Variants in CPD observed in about 807,000 individuals in gnomAD.
CPD encodes metallocarboxypeptidase D.
In CPD, 69 loss-of-function variants were observed where a neutral mutation model predicts 138.3. The observed-to-expected ratio is 0.50, with a 90% CI of 0.41 to 0.61. The LOEUF (loss-of-function observed/expected upper bound fraction) is 0.61. Among genes scored for constraint, CPD ranks in the 20% least tolerant of loss-of-function variants. The pLI is 0.00. For missense variants in CPD, 1,432 were observed against 1,733.3 expected (o/e 0.83, Z 3.09); for synonymous variants, 651 against 642.1 (o/e 1.01, Z -0.21).
chr17:30,436,606 A>T (rs547882832), intron 8 of CPD, among the ~76,000 whole-genome samples: 2 of 152,252 alleles, frequency 1.3e-5, no homozygotes, highest in African/African-American at 2.4e-5. Flanking sequence ...CTGTAATTTT[A>T]AAAAATGGAA....
chr17:30,408,737 G>A (rs1273068500), intron 2 of CPD, among the ~76,000 whole-genome samples: 1 of 152,146 alleles, frequency 6.6e-6, no homozygotes, highest in Non-Finnish European at 1.5e-5. Flanking sequence ...TAAATATACA[G>A]TCATGCCATC....
chr17:30,423,508 G>T lies in CPD; in HGVS notation c.1660G>T (p.Glu554Ter). The T allele has an allele frequency of 6.5e-7, 1 of 1,539,866 alleles. No homozygotes were observed. Among genetic ancestry groups the T allele is most frequent in the South Asian group, 1.3e-5 (1 of 79,232 alleles). ...CCATGTAATTATTTTGTTTTCAGGT[G>T]AACCAGAATTTAAGTACATTGGAAA... ...SDNPGVHEPG[E>*]PEFKYIGNMH... The change falls in exon 6 of 21, where the codon GAA becomes TAA. Residue 554 changes from glutamate to a stop codon, truncating the protein, a stop_gained and splice_region_variant. Transcript: ENST00000225719. LOFTEE classifies it high-confidence loss of function.
At chr17:30,399,965 T>C (rs1355973805) in intron 2 of CPD, among the ~76,000 whole-genome samples, 1 of 152,164 alleles carries the variant, frequency 6.6e-6, no homozygotes, top group African/African-American at 2.4e-5. Context: ...CACTCCAACC[T>C]GGGTAATACA....
In CPD at chr17:30,381,047, T is replaced by A. The variant is rs539261185; in HGVS notation, c.746+1321T>A. Among the ~76,000 whole-genome samples, 15 of 152,366 alleles carry A rather than the reference T, an allele frequency of 9.8e-5. No homozygotes were observed. In the South Asian group the frequency reaches 1.0e-3, roughly 11 times the overall value. On this transcript the variant is annotated intron_variant, in intron 1 of 20. Coordinates refer to ENST00000225719, the MANE Select transcript of CPD (RefSeq NM_001304.5). ...AGAAGATCTAGAAAATTCTTGAGTG[T>A]TAGGACAGTTCCTGAGTCTTTTCGT...
chr17:30,462,092 T>G (rs769237448), intron 19 of CPD, 30 bp downstream of exon 19: 1 of 1,555,706 alleles, frequency 6.4e-7, no homozygotes, highest in African/African-American at 1.4e-5. Flanking sequence ...TAGCATCATG[T>G]AAATTTTTAT....
In CPD at chr17:30,461,846, A is replaced by C. The variant is rs199822705; in HGVS notation, c.3631-31A>C. On this transcript the variant is annotated intron_variant, in intron 18 of 20. Coordinates refer to ENST00000225719, the MANE Select transcript of CPD (RefSeq NM_001304.5). ...CTCTACCATGTCTGGCATTATGACA[A>C]CATAAATTTATATTTTAAACATTTT... The C allele has an allele frequency of 9.6e-5, 149 of 1,546,110 alleles. 1 individual carries two copies. The African/African-American group carries it at 1.7e-3, about 18-fold the overall frequency.
intron 1 of CPD, among the ~76,000 whole-genome samples, chr17:30,382,981 C>A (rs1305996513): frequency 2.0e-5 from 3 of 152,166 alleles, no homozygotes; most frequent in Non-Finnish European, 4.4e-5. Context: ...CCTGCCCCAG[C>A]CTTCTTATAA....
rs1165735869 is a variant in CPD, at chr17:30,379,744, C to G, written c.746+18C>G. ...AGGAACAAGTGAGTGTTGCCTGCCCCCTCCCCGTCCGTGTGAGCCTCCAAG... is the reference window on the plus strand; with the variant it reads ...AGGAACAAGTGAGTGTTGCCTGCCCGCTCCCCGTCCGTGTGAGCCTCCAAG... On this transcript the variant is annotated intron_variant, in intron 1 of 20. Coordinates refer to ENST00000225719, the MANE Select transcript of CPD (RefSeq NM_001304.5). The surrounding 1 kb of genome is among the most constrained non-coding windows in gnomAD (Gnocchi z 7.0). The G allele has an allele frequency of 7.0e-7, 1 of 1,425,782 alleles. No homozygotes were observed. Among genetic ancestry groups the G allele is most frequent in the South Asian group, 1.5e-5 (1 of 66,634 alleles). The allele number at this position is 1,425,782 out of a possible 1,614,324, so 88.3% of individuals were successfully genotyped here. A position where few individuals can be genotyped will look rare whatever the true frequency, so the allele number is the denominator to read the frequency against.
rs950270548 is a variant in CPD at position 30,466,683 on chromosome 17, G to A, written c.*1869G>A. 6.6e-6 allele frequency: 1 copy of A among 152,602 alleles called. No individual in the cohort carries two copies. Among genetic ancestry groups the A allele is most frequent in the East Asian group, 1.9e-4 (1 of 5,202 alleles). The allele number at this position is 152,602 out of a possible 1,614,324, so 9.5% of individuals were successfully genotyped here. On this transcript the variant is annotated 3_prime_UTR_variant, in exon 21 of 21. Coordinates refer to ENST00000225719, the MANE Select transcript of CPD (RefSeq NM_001304.5). ...CAGGAAACCAACAAGGGGCCTAAGA[G>A]TGGCTGCCCCTGCTTGGGACATTAC...
At chr17:30,431,685 C>T in intron 7 of CPD, 87 bp from the exon 8 acceptor site, 5 of 851,594 alleles carry the variant, frequency 5.9e-6, no homozygotes, top group Non-Finnish European at 9.3e-6. Flanking sequence ...ATTGTTTTCT[C>T]TTCTCTGGCA....
In CPD at chr17:30,443,906, C is replaced by A; in HGVS notation, c.2478C>A (p.Tyr826Ter). ...VAEINHPVTT[Y>*]KTGDYWRLLV... The stretch of plus-strand genomic sequence containing the variant: ...AGATTAATCACCCAGTGACTACTTA[C>A]AAAACTGGAGATTACTGGCGTCTCT... Residue 826 changes from tyrosine (Y) to a stop codon, truncating the protein, a stop_gained, in exon 11 of 21, where the codon TAC becomes TAA. Coordinates refer to ENST00000225719, the MANE Select transcript of CPD (RefSeq NM_001304.5). LOFTEE classifies it high-confidence loss of function. 1 of 1,613,934 alleles carries A rather than the reference C, an allele frequency of 6.2e-7. No individual in the cohort carries two copies. Among genetic ancestry groups the A allele is most frequent in the Non-Finnish European group, 8.5e-7 (1 of 1,179,888 alleles).
intron 10 of CPD, 112 bp downstream of exon 10, chr17:30,442,562 C>A (rs1377794012): frequency 1.0e-6 from 1 of 998,384 alleles, no homozygotes; most frequent in East Asian, 2.6e-5. Context: ...AATTTCAATT[C>A]ATTTTAGTAT....
chr17:30,406,868 G>A (rs1012065051), intron 2 of CPD, among the ~76,000 whole-genome samples: 114 of 152,104 alleles, frequency 7.5e-4, no homozygotes, highest in African/African-American at 2.7e-3. Flanking sequence ...ATAATGTGCA[G>A]GTTTGTTACA....
intron 8 of CPD, among the ~76,000 whole-genome samples, chr17:30,438,602 C>CT (rs1195558431): frequency 6.6e-6 from 1 of 152,070 alleles, no homozygotes; most frequent in African/African-American, 2.4e-5. Flanking sequence ...TGTGTATTAT[C>CT]TTTTTTGGAC....
rs1913293382 is a variant in CPD, at chr17:30,456,350, A to T, written c.3432A>T (p.Ser1144=). 6.2e-7 allele frequency: 1 copy of T among 1,614,068 alleles called. No homozygotes were observed. The highest frequency in any genetic ancestry group is 8.5e-7 in the Non-Finnish European group (1 of 1,179,882). ...HMGQPSCPNK[S]DENIPGGVMR... Reference sequence around the variant, plus strand: ...GTCAGCCCAGTTGCCCAAATAAATCAGGTAGATGTTTTCCATACCTTTTGT... The same window carrying T: ...GTCAGCCCAGTTGCCCAAATAAATCTGGTAGATGTTTTCCATACCTTTTGT... Residue 1144 remains serine, a splice_region_variant and synonymous_variant, in exon 16 of 21, where the codon TCA becomes TCT. Coordinates refer to ENST00000225719, the MANE Select transcript of CPD (RefSeq NM_001304.5).
chr17:30,384,577 G>A (rs970506177), intron 1 of CPD, among the ~76,000 whole-genome samples: 1 of 152,098 alleles, frequency 6.6e-6, no homozygotes, highest in African/African-American at 2.4e-5. Context: ...TGGCAACATG[G>A]CGAGACCCCA....
Position 30,421,705 on chromosome 17 carries a change from A to C in CPD, c.1179A>C (p.Thr393=). ...AAGGATTTGTTAAAGATTCCATAAC[A>C]GGATCTGGGTTAGAGAATGCAACCA... ...GVKGFVKDSI[T]GSGLENATIS... is the part of the protein sequence containing the mutation. Residue 393 remains threonine, a synonymous_variant, in exon 4 of 21, where the codon ACA becomes ACC. Transcript: ENST00000225719. 1 of 1,613,792 alleles carries C rather than the reference A, an allele frequency of 6.2e-7. No homozygotes were observed. The highest frequency in any genetic ancestry group is 8.5e-7 in the Non-Finnish European group (1 of 1,179,782).
chr17:30,453,167 A>G (rs1249222358), intron 14 of CPD, among the ~76,000 whole-genome samples: 1 of 152,128 alleles, frequency 6.6e-6, no homozygotes, highest in Admixed American at 6.5e-5. Context: ...ACAGTCCCCC[A>G]AAGTCTTATT....
chr17:30,403,280 A>G (rs1911723839), intron 2 of CPD, among the ~76,000 whole-genome samples: 1 of 152,024 alleles, frequency 6.6e-6, no homozygotes, highest in South Asian at 2.1e-4. Context: ...TATGTGCACC[A>G]CTCAGGGGCC....
Sources: gnomAD v4.1 joint callset for allele counts (sites outside exome capture counted in the v4.1 genomes callset) on GRCh38, gnomAD v4.1.1 for gene constraint, Gnocchi (gnomAD v3.1) non-coding constraint, MANE v1.5 for transcripts, NCBI Gene and HGNC (gene_info 2026-07-23, HGNC 2026-07-21) for gene names.